The following EIF4G3 variants were observed in gnomAD, a reference collection of about 807,000 sequenced individuals.
EIF4G3 encodes the protein eIF-4-gamma 3.
Under a neutral mutation model 186.4 loss-of-function variants are expected in EIF4G3, and 34 were observed. That is an observed-to-expected ratio of 0.18 (90% confidence interval 0.14 to 0.24). The LOEUF (loss-of-function observed/expected upper bound fraction) is 0.24. Ranked by LOEUF, EIF4G3 falls within the 10% of genes least tolerant of loss-of-function variation. The pLI is 1.00. For missense variants in EIF4G3, 1,536 were observed against 1,948.5 expected (o/e 0.79, Z 3.99); for synonymous variants, 673 against 679.5 (o/e 0.99, Z 0.15).
chr1:20,817,325 G>A (rs938160541), intron 34 of EIF4G3, 67 bp downstream of exon 34: 32 of 1,101,044 alleles, frequency 2.9e-5, no homozygotes, highest in Non-Finnish European at 3.8e-5. Context: ...ATAGGTAAGC[G>A]AATTAAGGGG....
chr1:20,913,039 G>C (rs932982920), intron 14 of EIF4G3, among the ~76,000 whole-genome samples: 10 of 152,134 alleles, frequency 6.6e-5, no homozygotes, highest in African/African-American at 2.2e-4. Context: ...CTGAGAGATG[G>C]CAACCAAAAG....
At chr1:21,003,247 A>G (rs1178519745) in intron 4 of EIF4G3, among the ~76,000 whole-genome samples, 7 of 150,940 alleles carry the variant, frequency 4.6e-5, no homozygotes, top group Admixed American at 2.6e-4. Context: ...GCCTCAAGCA[A>G]TACTCCTGCC....
At chr1:20,907,552 C>A (rs981390186) in intron 14 of EIF4G3, among the ~76,000 whole-genome samples, 2 of 149,892 alleles carry the variant, frequency 1.3e-5, no homozygotes, top group Non-Finnish European at 3.0e-5. Context: ...TCCCCCAACC[C>A]CACAACAGTC....
chr1:21,142,189 C>T (rs1258051726), intron 2 of EIF4G3, among the ~76,000 whole-genome samples: 1 of 151,196 alleles, frequency 6.6e-6, no homozygotes, highest in Non-Finnish European at 1.5e-5. Flanking sequence ...AGGGAAAAAA[C>T]ATGTATTAGG....
chr1:20,816,439 A>C, intron 34 of EIF4G3, among the ~76,000 whole-genome samples: 1 of 96,540 alleles, frequency 1.0e-5, no homozygotes, highest in South Asian at 4.4e-4. Context: ...GGCCGCCCCT[A>C]CTGGGAAGTG....
chr1:21,111,474 A>G (rs2096724973), intron 2 of EIF4G3: 1 of 429,162 alleles, frequency 2.3e-6, no homozygotes, highest in Non-Finnish European at 4.8e-6. Flanking sequence ...CATAAAGATC[A>G]TGAGTTTTCC....
chr1:20,989,703 TC>T (rs1255065493), intron 7 of EIF4G3, among the ~76,000 whole-genome samples: 1 of 151,940 alleles, frequency 6.6e-6, no homozygotes, highest in Non-Finnish European at 1.5e-5. Context: ...TGGAATCTAC[TC>T]CCGGTAAGGA....
intron 18 of EIF4G3, among the ~76,000 whole-genome samples, chr1:20,890,941 T>C (rs1320257071): frequency 2.0e-5 from 3 of 152,210 alleles, no homozygotes; most frequent in Non-Finnish European, 4.4e-5. Context: ...AAATTTCTCT[T>C]AAAAACTAGC....
intron 4 of EIF4G3, among the ~76,000 whole-genome samples, chr1:21,035,111 G>A (rs1264459402): frequency 6.6e-6 from 1 of 152,076 alleles, no homozygotes; most frequent in Non-Finnish European, 1.5e-5. Flanking sequence ...GAAGCCAACT[G>A]TGCCACCCCC....
At chr1:20,894,003 A>G (rs1299587337) in intron 17 of EIF4G3, among the ~76,000 whole-genome samples, 1 of 151,724 alleles carries the variant, frequency 6.6e-6, no homozygotes, top group Non-Finnish European at 1.5e-5. Context: ...ATTCATCAGG[A>G]TATAGAGCAC....
chr1:20,818,535 A>G (rs190170263), intron 33 of EIF4G3, among the ~76,000 whole-genome samples: 10 of 152,198 alleles, frequency 6.6e-5, no homozygotes, highest in Admixed American at 1.3e-4. Flanking sequence ...CCAGCTACTC[A>G]GGAGGCTGAG....
intron 7 of EIF4G3, among the ~76,000 whole-genome samples, chr1:20,994,754 G>C (rs1187579815): frequency 1.3e-5 from 2 of 149,542 alleles, no homozygotes; most frequent in African/African-American, 4.9e-5. Context: ...CAGCCTCCCA[G>C]AGTAGCTGGG....
intron 4 of EIF4G3, among the ~76,000 whole-genome samples, chr1:21,005,772 A>G (rs777558319): frequency 5.3e-5 from 8 of 152,174 alleles, no homozygotes; most frequent in Non-Finnish European, 1.2e-4. Context: ...TTTCCAGATT[A>G]TATCATTGCT....
chr1:21,016,650 C>A (rs2089171466), intron 4 of EIF4G3, among the ~76,000 whole-genome samples: 1 of 149,604 alleles, frequency 6.7e-6, no homozygotes, highest in Non-Finnish European at 1.5e-5. Flanking sequence ...CAGTATGAGA[C>A]CCTGTCTTAA....
At chr1:21,130,397 TTG>T (rs2097132715) in intron 2 of EIF4G3, among the ~76,000 whole-genome samples, 1 of 151,780 alleles carries the variant, frequency 6.6e-6, no homozygotes, top group Non-Finnish European at 1.5e-5. Context: ...GCTAATTTTT[TTG>T]TGTTTTTTTA....
intron 3 of EIF4G3, among the ~76,000 whole-genome samples, chr1:21,077,812 G>A (rs1269615851): frequency 4.6e-5 from 7 of 151,448 alleles, no homozygotes; most frequent in African/African-American, 1.7e-4. Flanking sequence ...CCCAGGAGGC[G>A]GAGGTTGTGG....
At chr1:20,954,305 A>G (rs2096327396) in intron 12 of EIF4G3, among the ~76,000 whole-genome samples, 1 of 152,180 alleles carries the variant, frequency 6.6e-6, no homozygotes, top group Admixed American at 6.5e-5. Flanking sequence ...TGGGAGGCCA[A>G]GGCGGGTGGA....
chr1:21,131,678 T>C (rs1171044353), intron 2 of EIF4G3, among the ~76,000 whole-genome samples: 2 of 152,104 alleles, frequency 1.3e-5, no homozygotes, highest in Non-Finnish European at 2.9e-5. Flanking sequence ...ACAATGACAT[T>C]TGCACTACTT....
intron 33 of EIF4G3, 143 bp from the exon 34 acceptor site, chr1:20,817,681 G>GT (rs34471464): frequency 0.045 from 6,767 of 149,540 alleles, 165 homozygotes; most frequent in East Asian, 0.091. Flanking sequence ...TATGTTTGTA[G>GT]TTTTTTTTTT....
Sources: gnomAD v4.1 joint callset for allele counts (sites outside exome capture counted in the v4.1 genomes callset) on GRCh38, gnomAD v4.1.1 for gene constraint, MANE v1.5 for transcripts, NCBI Gene and HGNC (gene_info 2026-07-23, HGNC 2026-07-21) for gene names.